The following CAMK1D variants were observed in gnomAD, a reference collection of about 807,000 sequenced individuals.
The protein encoded by CAMK1D is calcium/calmodulin-dependent protein kinase type 1D.
Under a neutral mutation model 47.7 loss-of-function variants are expected in CAMK1D, and 9 were observed. The ratio of observed to expected loss-of-function variants is 0.19; its 90% confidence interval spans 0.11 to 0.33. The LOEUF (loss-of-function observed/expected upper bound fraction) is 0.33. CAMK1D is among the 10% of genes least tolerant of loss of function. CAMK1D has a pLI of 1.00. For synonymous variants in CAMK1D, 184 were observed against 184.9 expected, an observed-to-expected ratio of 0.99 and a Z score of 0.04; for missense variants, 291 against 488.7, an observed-to-expected ratio of 0.60 and a Z score of 3.81.
chr10:12,495,783 C>T (rs1316869249), intron 1 of CAMK1D, among the ~76,000 whole-genome samples: 2 of 152,136 alleles, frequency 1.3e-5, no homozygotes, highest in African/African-American at 2.4e-5. Context: ...ACATATTCAC[C>T]TACTATTGGT....
At chr10:12,697,010 TAGAA>T (rs1356820358) in intron 3 of CAMK1D, among the ~76,000 whole-genome samples, 5 of 152,240 alleles carry the variant, frequency 3.3e-5, no homozygotes, top group Admixed American at 2.0e-4. Context: ...TCACTGAACT[TAGAA>T]AGGAGAAAAA....
Position 12,612,339 on chromosome 10 carries a change from CTT to C in CAMK1D, c.225-54378_225-54377del, listed in dbSNP as rs11333936. The stretch of plus-strand genomic sequence containing the variant: ...AAATTGGGCTTTAATTAATTAATTA[CTT>C]TTTTTTTTTTTTTTTTTTGAGACAG... On this transcript the variant is annotated intron_variant, in intron 2 of 10. Coordinates refer to ENST00000619168, the MANE Select transcript of CAMK1D (RefSeq NM_153498.4). 8.8e-3 allele frequency among the ~76,000 whole-genome samples: 1,065 copies of C among 121,674 alleles called. 4 individuals carry two copies. The highest frequency in any genetic ancestry group is 0.019 in the South Asian group (73 of 3,790). 79.8% of individuals were successfully genotyped at this position (121,674 alleles called of 152,430 possible).
chr10:12,827,220 C>T, intron 10 of CAMK1D, among the ~76,000 whole-genome samples: 1 of 145,250 alleles, frequency 6.9e-6, no homozygotes, highest in Non-Finnish European at 1.5e-5. Context: ...CCTTCCTTTC[C>T]TTCCTTCTTT....
At chr10:12,814,755 A>G (rs117601781) in intron 7 of CAMK1D, among the ~76,000 whole-genome samples, 474 of 151,310 alleles carry the variant, frequency 3.1e-3, no homozygotes, top group Non-Finnish European at 5.1e-3. Flanking sequence ...ATTTCAGCAT[A>G]TGAACTGTGG....
At chr10:12,606,490 C>T (rs1001883488) in intron 2 of CAMK1D, among the ~76,000 whole-genome samples, 3 of 152,214 alleles carry the variant, frequency 2.0e-5, no homozygotes, top group African/African-American at 7.2e-5. Flanking sequence ...ACGGCCCTCC[C>T]TGGGCAGGGC....
chr10:12,432,671 AAATG>A (rs1318438442), intron 1 of CAMK1D, among the ~76,000 whole-genome samples: 2 of 152,254 alleles, frequency 1.3e-5, no homozygotes, highest in South Asian at 2.1e-4. Context: ...TGAGTTGAAT[AAATG>A]AATGGGTGAG....
intron 3 of CAMK1D, among the ~76,000 whole-genome samples, chr10:12,760,215 C>G (rs1836436548): frequency 6.6e-6 from 1 of 152,186 alleles, no homozygotes; most frequent in Non-Finnish European, 1.5e-5. Flanking sequence ...CCTTGCCAAC[C>G]TAGTCCCATT....
At chr10:12,620,207 A>AAAAAT (rs2132436846) in intron 2 of CAMK1D, among the ~76,000 whole-genome samples, 1 of 151,226 alleles carries the variant, frequency 6.6e-6, no homozygotes, top group Non-Finnish European at 1.5e-5. Context: ...AAAAAAAAAA[A>AAAAAT]AAAAAAAAAA....
rs182674072 is a variant in CAMK1D, at chr10:12,722,240, G to A, written c.300-38708G>A. 5.0e-4 allele frequency among the ~76,000 whole-genome samples: 76 copies of A among 151,866 alleles called. No homozygotes were observed. The East Asian group carries it at 9.5e-3, about 19-fold the overall frequency. Reference sequence around the variant, plus strand: ...GGGCGGATCACGAAGTCTGGAGATCGAGACCATCCCGGGGATAACACAGTG... The same window carrying A: ...GGGCGGATCACGAAGTCTGGAGATCAAGACCATCCCGGGGATAACACAGTG... On this transcript the variant is annotated intron_variant, in intron 3 of 10. Transcript: ENST00000619168.
chr10:12,648,225 C>T (rs550624826), intron 2 of CAMK1D, among the ~76,000 whole-genome samples: 21 of 152,280 alleles, frequency 1.4e-4, no homozygotes, highest in Non-Finnish European at 2.2e-4. Flanking sequence ...TTAATTCTCC[C>T]GTCTGTAAAT....
intron 1 of CAMK1D, among the ~76,000 whole-genome samples, chr10:12,454,010 GTTGAAACCCTTCCCCTGGTT>G (rs1833166142): frequency 1.3e-5 from 2 of 152,130 alleles, no homozygotes; most frequent in South Asian, 4.1e-4. Context: ...TGGGGGGGCT[GTTGAAACCCTTCCCCTGGTT>G]GGGTCTTGCT....
intron 1 of CAMK1D, among the ~76,000 whole-genome samples, chr10:12,439,879 A>G (rs1417414476): frequency 1.3e-5 from 2 of 152,204 alleles, no homozygotes; most frequent in Non-Finnish European, 2.9e-5. Flanking sequence ...TGGAAGGCAA[A>G]AGGCACATCT....
chr10:12,656,829 G>A (rs899800475), intron 2 of CAMK1D, among the ~76,000 whole-genome samples: 1 of 152,104 alleles, frequency 6.6e-6, no homozygotes, highest in Non-Finnish European at 1.5e-5. Flanking sequence ...ACAGTAATAT[G>A]TTACATGTGT....
At chr10:12,516,740 A>G (rs575409093) in intron 1 of CAMK1D, among the ~76,000 whole-genome samples, 1 of 152,340 alleles carries the variant, frequency 6.6e-6, no homozygotes, top group South Asian at 2.1e-4. Flanking sequence ...CTAATAACTT[A>G]TGAGTTTGAG....
At chr10:12,358,603 T>A (rs924315303) in intron 1 of CAMK1D, among the ~76,000 whole-genome samples, 2 of 152,098 alleles carry the variant, frequency 1.3e-5, no homozygotes, top group Admixed American at 1.3e-4. Context: ...AGCAAGCCTT[T>A]GATAGGGTAT....
Position 12,444,170 on chromosome 10 carries a change from G to A in CAMK1D, c.92+94260G>A, listed in dbSNP as rs570990794. Among the ~76,000 whole-genome samples the A allele has an allele frequency of 2.0e-5, 3 of 152,264 alleles. No homozygotes were observed. In the South Asian group the frequency reaches 6.2e-4, roughly 32 times the overall value. ...TACTGCAACCTGGTTTATCAGCAAG[G>A]TCTTTATGACCTGTGTTTTGTGCCA... On this transcript the variant is annotated intron_variant, in intron 1 of 10. Coordinates refer to ENST00000619168, the MANE Select transcript of CAMK1D (RefSeq NM_153498.4).
chr10:12,470,705 T>C (rs901650136), intron 1 of CAMK1D, among the ~76,000 whole-genome samples: 3 of 152,244 alleles, frequency 2.0e-5, no homozygotes, highest in Middle Eastern at 3.4e-3. Flanking sequence ...TTGGTAGAGA[T>C]AGGGTTTCAC....
chr10:12,743,160 A>G (rs1381338471), intron 3 of CAMK1D, among the ~76,000 whole-genome samples: 1 of 152,018 alleles, frequency 6.6e-6, no homozygotes, highest in Non-Finnish European at 1.5e-5. Context: ...CTGGCTGGCC[A>G]ACATGATGAA....
At chr10:12,443,395 G>A (rs974051294) in intron 1 of CAMK1D, among the ~76,000 whole-genome samples, 1 of 152,042 alleles carries the variant, frequency 6.6e-6, no homozygotes, top group African/African-American at 2.4e-5. Context: ...TTGCAATATA[G>A]TGTCGTGATG....
Sources: gnomAD v4.1 joint callset for allele counts (sites outside exome capture counted in the v4.1 genomes callset) on GRCh38, gnomAD v4.1.1 for gene constraint, MANE v1.5 for transcripts, NCBI Gene and HGNC (gene_info 2026-07-23, HGNC 2026-07-21) for gene names.